The following NLRP5 variants were observed in gnomAD, a reference collection of about 807,000 sequenced individuals.
The protein encoded by NLRP5 is NLR family pyrin domain containing 5.
NLRP5 carries 93 observed loss-of-function variants against 113.1 expected under a neutral mutation model. The observed-to-expected ratio is 0.82, with a 90% CI of 0.70 to 0.98. The LOEUF is 0.98. Among genes scored for constraint, NLRP5 ranks in the 50% least tolerant of loss-of-function variants. The pLI, the probability that NLRP5 is intolerant of heterozygous loss-of-function variation, is 0.00. For missense variants in NLRP5, 1,808 were observed against 1,514.3 expected (o/e 1.19, Z -3.22); for synonymous variants, 751 against 600.7 (o/e 1.25, Z -3.66).
At chr19:56,054,484 G>A (rs1984052091) in intron 13 of NLRP5, among the ~76,000 whole-genome samples, 1 of 151,224 alleles carries the variant, frequency 6.6e-6, no homozygotes, top group African/African-American at 2.4e-5. Flanking sequence ...CTTGAACCCA[G>A]GAGGTGGAGG....
At chr19:56,021,725 G>A (rs1982624318) in intron 6 of NLRP5, among the ~76,000 whole-genome samples, 1 of 152,152 alleles carries the variant, frequency 6.6e-6, no homozygotes, top group African/African-American at 2.4e-5. Context: ...TCAGTTCATG[G>A]GAATTTGGCT....
At chr19:55,989,531 G>A in the NLRP5 span, among the ~76,000 whole-genome samples, 8 of 152,200 alleles carry the variant, frequency 5.3e-5, no homozygotes, top group African/African-American at 1.7e-4. Context: ...GGGATGACAG[G>A]CGTGAGCCAC....
At chr19:56,024,421 T>TGTA (rs141358200) in intron 6 of NLRP5, among the ~76,000 whole-genome samples, 7 of 141,772 alleles carry the variant, frequency 4.9e-5, no homozygotes, top group African/African-American at 1.8e-4. Context: ...TGTATATATG[T>TGTA]TATATATACA....
intron 9 of NLRP5, among the ~76,000 whole-genome samples, chr19:56,035,904 A>C (rs985642781): frequency 4.6e-5 from 7 of 152,172 alleles, no homozygotes; most frequent in Admixed American, 3.3e-4. Flanking sequence ...CCTTTATTCA[A>C]TAACGACAGA....
At chr19:55,989,410 G>A in the NLRP5 span, among the ~76,000 whole-genome samples, 7 of 152,016 alleles carry the variant, frequency 4.6e-5, no homozygotes, top group African/African-American at 9.7e-5. Flanking sequence ...CCGCCACCAC[G>A]CCCGGCTAAT....
At chr19:55,990,984 CAAAG>C in the NLRP5 span, among the ~76,000 whole-genome samples, 600 of 151,452 alleles carry the variant, frequency 4.0e-3, 4 homozygotes, top group Non-Finnish European at 4.2e-3. Flanking sequence ...AACTCCATCT[CAAAG>C]AAAAAAAAAA....
rs752571450 is a variant in NLRP5, at chr19:56,003,874, A to C, written c.221A>C (p.Lys74Thr). 1.2e-6 allele frequency: 2 copies of C among 1,614,018 alleles called. No homozygotes were observed. The highest frequency in any genetic ancestry group is 2.7e-5 in the African/African-American group (2 of 75,062). The change falls in exon 2 of 15, where the codon AAG (lysine) becomes ACG (threonine). Residue 74 changes from lysine (K) to threonine (T), a missense_variant. Physicochemically the swap from Lys to Thr is moderately conservative, Grantham distance 78 (BLOSUM62 -1). Transcript: ENST00000390649. ...CAATGGTGTCTCTATGAGCTAGACAAGGAAGAATTTCAGACATTCAAGGAA... is the reference window on the plus strand; with the variant it reads ...CAATGGTGTCTCTATGAGCTAGACACGGAAGAATTTCAGACATTCAAGGAA...
chr19:56,027,794 A>G lies in NLRP5; in HGVS notation c.1561A>G (p.Asn521Asp), dbSNP rs375746387. ...TCGAGGCGTGGTCCGGCGCTGTCTCAATCTGGAGGAAAGAGTTGTCCTGAA... is the reference window on the plus strand; with the variant it reads ...TCGAGGCGTGGTCCGGCGCTGTCTCGATCTGGAGGAAAGAGTTGTCCTGAA... Residue 521 changes from asparagine to aspartate, a missense_variant, in exon 7 of 15, where the codon AAT becomes GAT. By Grantham distance (23) the Asn-to-Asp change is conservative (BLOSUM62 1). Coordinates refer to ENST00000390649, the MANE Select transcript of NLRP5 (RefSeq NM_153447.4). 1 of 1,613,814 alleles carries G rather than the reference A, an allele frequency of 6.2e-7. No individual in the cohort carries two copies. The highest frequency in any genetic ancestry group is 8.5e-7 in the Non-Finnish European group (1 of 1,179,890).
At chr19:55,989,818 A>G in the NLRP5 span, among the ~76,000 whole-genome samples, 1 of 152,158 alleles carries the variant, frequency 6.6e-6, no homozygotes, top group Non-Finnish European at 1.5e-5. Flanking sequence ...TTGCTGTTTT[A>G]CACACGGCTG....
intron 12 of NLRP5, among the ~76,000 whole-genome samples, chr19:56,053,023 G>A (rs190143465): frequency 1.2e-4 from 19 of 152,336 alleles, no homozygotes; most frequent in African/African-American, 4.3e-4. Context: ...CTTGAACCCA[G>A]GAGGTGGAGG....
intron 10 of NLRP5, among the ~76,000 whole-genome samples, 171 bp downstream of exon 10, chr19:56,038,366 G>C (rs1421633076): frequency 1.3e-5 from 2 of 152,192 alleles, no homozygotes; most frequent in African/African-American, 4.8e-5. Context: ...AGAGTGACCT[G>C]AAAAACATCT....
At chr19:55,991,233 G>A in the NLRP5 span, among the ~76,000 whole-genome samples, 2 of 152,272 alleles carry the variant, frequency 1.3e-5, no homozygotes, top group East Asian at 1.9e-4. Context: ...TAAATGTAAA[G>A]TAGGAATTCA....
chr19:56,043,516 A>G (rs1174939838), intron 11 of NLRP5, among the ~76,000 whole-genome samples: 1 of 120,914 alleles, frequency 8.3e-6, no homozygotes, highest in African/African-American at 3.3e-5. Context: ...CTCCTACTCT[A>G]TGGATTGTCT....
chr19:56,021,571 T>C (rs1343663957), intron 6 of NLRP5, among the ~76,000 whole-genome samples: 2 of 152,340 alleles, frequency 1.3e-5, no homozygotes, highest in East Asian at 1.9e-4. Flanking sequence ...GATGGAATCA[T>C]ATGATATGTA....
chr19:56,005,513 T>C (rs1276023087), intron 2 of NLRP5, among the ~76,000 whole-genome samples: 1 of 148,868 alleles, frequency 6.7e-6, no homozygotes, highest in African/African-American at 2.5e-5. Flanking sequence ...TGTACACATA[T>C]ATATTTATAC....
upstream of NLRP5, among the ~76,000 whole-genome samples, chr19:55,996,980 C>T (rs1431769048): frequency 6.6e-6 from 1 of 151,510 alleles, no homozygotes; most frequent in Non-Finnish European, 1.5e-5. Flanking sequence ...TATTTCTCCA[C>T]ATCCTCTCTA....
intron 2 of NLRP5, among the ~76,000 whole-genome samples, chr19:56,004,785 G>A (rs958054911): frequency 6.6e-6 from 1 of 151,938 alleles, no homozygotes; most frequent in Non-Finnish European, 1.5e-5. Context: ...CTGAGCCCTT[G>A]AATTGGCCCT....
intron 7 of NLRP5, 120 bp from the exon 8 acceptor site, chr19:56,032,491 G>T: frequency 2.6e-6 from 2 of 773,036 alleles, no homozygotes; most frequent in Non-Finnish European, 4.0e-6. Flanking sequence ...TTGCCTCAGG[G>T]CCTCTAAAGC....
Position 56,058,291 on chromosome 19 carries a change from C to A in NLRP5, c.3351C>A (p.Ala1117=), listed in dbSNP as rs763459032. 5.2e-5 allele frequency: 84 copies of A among 1,613,790 alleles called. No homozygotes were observed. The highest frequency in any genetic ancestry group is 6.7e-5 in the Non-Finnish European group (79 of 1,179,852). The change falls in exon 14 of 15, where the codon GCC becomes GCA. Residue 1117 remains alanine, a synonymous_variant. Coordinates refer to ENST00000390649, the MANE Select transcript of NLRP5 (RefSeq NM_153447.4). Reference sequence around the variant, plus strand: ...ATTGCTGTGAGGCACTCTCCTTGGCCCTTTCCTGCAACCGGCATCTGACCA... The same window carrying A: ...ATTGCTGTGAGGCACTCTCCTTGGCACTTTCCTGCAACCGGCATCTGACCA...
Sources: gnomAD v4.1 joint callset for allele counts (sites outside exome capture counted in the v4.1 genomes callset) on GRCh38, gnomAD v4.1.1 for gene constraint, MANE v1.5 for transcripts, NCBI Gene and HGNC (gene_info 2026-07-23, HGNC 2026-07-21) for gene names.